MRTFB: variants seen among roughly 807,000 people sequenced by gnomAD.
The protein encoded by MRTFB is myocardin-related transcription factor B.
A neutral mutation model predicts 104.2 loss-of-function variants in MRTFB; 29 were observed. The ratio of observed to expected loss-of-function variants is 0.28; its 90% CI spans 0.21 to 0.38. The LOEUF (loss-of-function observed/expected upper bound fraction) is 0.38. Among genes scored for constraint, MRTFB ranks in the 10% least tolerant of loss-of-function variants. The probability of loss-of-function intolerance (pLI) is 1.00; values close to 1 mark genes in which losing one functional copy is unlikely to be tolerated. For synonymous variants in MRTFB, 535 were observed against 519.5 expected (o/e 1.03, Z -0.41); for missense variants, 1,270 against 1,341.6 (o/e 0.95, Z 0.83).
intron 15 of MRTFB, among the ~76,000 whole-genome samples, chr16:14,253,667 C>G (rs574242212): frequency 2.0e-5 from 3 of 152,312 alleles, no homozygotes; most frequent in East Asian, 3.9e-4. Flanking sequence ...GTTTGGCACC[C>G]TCACCAAGGA....
chr16:14,202,413 G>A (rs1222750362), intron 3 of MRTFB, among the ~76,000 whole-genome samples: 2 of 151,992 alleles, frequency 1.3e-5, no homozygotes, highest in African/African-American at 4.8e-5. Context: ...TATAAAACAG[G>A]GATTCTTAAA....
chr16:14,046,936 T>C, the MRTFB span, among the ~76,000 whole-genome samples: 1 of 152,358 alleles, frequency 6.6e-6, no homozygotes, highest in African/African-American at 2.4e-5. Context: ...TCTGTCAAGG[T>C]GTTGTGATGA....
At chr16:14,147,966 A>G (rs73514987) in intron 3 of MRTFB, among the ~76,000 whole-genome samples, 13,519 of 152,206 alleles carry the variant, frequency 0.089, 1,246 homozygotes, top group African/African-American at 0.23. Context: ...CATTTTAGAC[A>G]ACTTTTCTAT....
At chr16:14,113,862 A>G (rs1369087710) in intron 2 of MRTFB, among the ~76,000 whole-genome samples, 2 of 152,190 alleles carry the variant, frequency 1.3e-5, no homozygotes, top group South Asian at 2.1e-4. Context: ...TAAATTTTCC[A>G]GGTACATTTA....
Position 14,081,261 on chromosome 16 carries a change from T to C in MRTFB, c.-64+1907T>C, listed in dbSNP as rs1379983602. On this transcript the variant is annotated intron_variant, in intron 2 of 16. Coordinates refer to ENST00000571589, the MANE Select transcript of MRTFB (RefSeq NM_001308142.2). The stretch of plus-strand genomic sequence containing the variant: ...TTTATTAGTGCTGTGTAACACTGTT[T>C]TATGTATTTGCTGGCTATTCGTATG... Among the ~76,000 whole-genome samples the C allele has an allele frequency of 2.0e-5, 3 of 152,068 alleles. No homozygotes were observed. In the East Asian group the frequency reaches 5.8e-4, roughly 29 times the overall value.
At chr16:14,056,905 CCT>C in the MRTFB span, among the ~76,000 whole-genome samples, 1 of 152,152 alleles carries the variant, frequency 6.6e-6, no homozygotes, top group Non-Finnish European at 1.5e-5. Context: ...CCCTCTTTCC[CCT>C]GTTTGTAACT....
chr16:14,256,903 G>A (rs2043518039), intron 15 of MRTFB, among the ~76,000 whole-genome samples: 1 of 152,182 alleles, frequency 6.6e-6, no homozygotes, highest in Non-Finnish European at 1.5e-5. Flanking sequence ...CAAACAGACA[G>A]CAGAAGAAAT....
rs2041457246 is a variant in MRTFB, at chr16:14,217,008, T to C, written c.353-118T>C. On this transcript the variant is annotated intron_variant, in intron 6 of 16. Transcript: ENST00000571589. ...CAGTCATTTTCTCTTTCCATAAATA[T>C]GTCGAGAACACAAAAATGTGTCTAA... The C allele has an allele frequency of 1.2e-5, 12 of 997,228 alleles. No individual in the cohort carries two copies. The South Asian group carries it at 2.6e-4, about 21-fold the overall frequency. The allele number at this position is 997,228 out of a possible 1,614,324, so 61.8% of individuals were successfully genotyped here.
At chr16:14,088,481 C>T (rs1032740203) in intron 2 of MRTFB, among the ~76,000 whole-genome samples, 2 of 152,044 alleles carry the variant, frequency 1.3e-5, no homozygotes, top group African/African-American at 4.8e-5. Flanking sequence ...TTAGAATGCT[C>T]GAAAGTTCTT....
rs149612299 is a variant in MRTFB, at chr16:14,220,708, G to A, written c.693+1710G>A. ...TTCCTGAATTTAAGCATTAGTTTTC[G>A]TAGTACCTTCAGTGCTGCTGCAGTA... On this transcript the variant is annotated intron_variant, in intron 8 of 16. Coordinates refer to ENST00000571589, the MANE Select transcript of MRTFB (RefSeq NM_001308142.2). Among the ~76,000 whole-genome samples the A allele has an allele frequency of 2.4e-3, 366 of 152,244 alleles. 1 individual carries two copies. Among genetic ancestry groups the A allele is most frequent in the African/African-American group, 8.3e-3 (346 of 41,548 alleles).
At chr16:14,061,227 A>G in the MRTFB span, among the ~76,000 whole-genome samples, 1 of 152,168 alleles carries the variant, frequency 6.6e-6, no homozygotes, top group African/African-American at 2.4e-5. Flanking sequence ...GCTCTTCTCA[A>G]CAGAGCCAGC....
At chr16:14,243,349 A>T (rs1415974176) in intron 10 of MRTFB, among the ~76,000 whole-genome samples, 1 of 152,078 alleles carries the variant, frequency 6.6e-6, no homozygotes, top group Non-Finnish European at 1.5e-5. Context: ...GCTTCCCAGA[A>T]CTCTTCAGAG....
intron 3 of MRTFB, among the ~76,000 whole-genome samples, chr16:14,156,120 G>A (rs2038818204): frequency 6.6e-6 from 1 of 152,156 alleles, no homozygotes; most frequent in Admixed American, 6.5e-5. Context: ...TCCTCTCAGG[G>A]GCCACAGCCC....
chr16:14,228,532 C>T (rs901545881), intron 8 of MRTFB, among the ~76,000 whole-genome samples: 9 of 151,552 alleles, frequency 5.9e-5, no homozygotes, highest in African/African-American at 9.7e-5. Context: ...GCCAAGATTG[C>T]GCCACTGCAC....
At chr16:14,161,442 G>A (rs2039034150) in intron 3 of MRTFB, among the ~76,000 whole-genome samples, 1 of 152,022 alleles carries the variant, frequency 6.6e-6, no homozygotes. Context: ...AAATTCATCT[G>A]GATTGAACTC....
intron 3 of MRTFB, among the ~76,000 whole-genome samples, chr16:14,184,979 C>T (rs959999257): frequency 2.0e-5 from 3 of 152,208 alleles, no homozygotes; most frequent in Non-Finnish European, 4.4e-5. Context: ...ATAAACCTTG[C>T]AAAACAGCTA....
At chr16:14,018,812 A>G in the MRTFB span, 2 of 148,714 alleles carry the variant, frequency 1.3e-5, no homozygotes, top group Non-Finnish European at 3.0e-5. Context: ...GAAGCCACAT[A>G]TTTTTTTTTT....
At chr16:14,059,363 C>A in the MRTFB span, among the ~76,000 whole-genome samples, 1 of 152,082 alleles carries the variant, frequency 6.6e-6, no homozygotes, top group South Asian at 2.1e-4. Flanking sequence ...GTTAATCAAC[C>A]TCTCCCTGCC....
the MRTFB span, among the ~76,000 whole-genome samples, chr16:14,063,228 T>G: frequency 6.6e-6 from 1 of 152,330 alleles, no homozygotes; most frequent in East Asian, 1.9e-4. Context: ...CACAACACCC[T>G]TCTGCTTCTG....
Sources: allele counts gnomAD v4.1 joint callset (sites outside exome capture counted in the v4.1 genomes callset), GRCh38; gene constraint gnomAD v4.1.1; transcripts MANE v1.5; gene names NCBI Gene and HGNC (gene_info 2026-07-23, HGNC 2026-07-21).